Variants in CNBD1 observed in about 807,000 individuals in gnomAD.
The protein encoded by CNBD1 is cyclic nucleotide-binding domain-containing protein 1.
In CNBD1, 71 loss-of-function variants were observed where a neutral mutation model predicts 54.4. The observed-to-expected ratio is 1.30, with a 90% confidence interval of 1.08 to 1.59. The LOEUF is 1.59. CNBD1 is among the 40% of genes most tolerant of loss of function. CNBD1 has a pLI of 0.00. For synonymous variants in CNBD1, 182 were observed against 170.7 expected, an observed-to-expected ratio of 1.07 and a Z score of -0.51; for missense variants, 659 against 518.0, an observed-to-expected ratio of 1.27 and a Z score of -2.64.
Position 87,306,331 on chromosome 8 carries a change from CAG to C in CNBD1, c.1042+19661_1042+19662del, listed in dbSNP as rs1809145501. Among the ~76,000 whole-genome samples the C allele has an allele frequency of 2.6e-5, 4 of 152,136 alleles. No individual in the cohort carries two copies. The South Asian group carries it at 8.3e-4, about 31-fold the overall frequency. ...AAACTAGTATAGCTGCTATGGAAAA[CAG>C]TGTGGATATTCCTTTAAGAACTAAA... On this transcript the variant is annotated intron_variant, in intron 8 of 10. Transcript: ENST00000518476.
chr8:87,201,405 A>G (rs1813859294), intron 4 of CNBD1, among the ~76,000 whole-genome samples: 1 of 152,216 alleles, frequency 6.6e-6, no homozygotes, highest in Non-Finnish European at 1.5e-5. Context: ...AGAAAGAAGT[A>G]AAAGTCATCA....
At chr8:87,215,444 T>C (rs1586335008) in intron 5 of CNBD1, among the ~76,000 whole-genome samples, 1 of 151,936 alleles carries the variant, frequency 6.6e-6, no homozygotes, top group African/African-American at 2.4e-5. Context: ...AAAAATTAGC[T>C]GGGCATGGTG....
At chr8:87,180,194 C>A (rs183744513) in intron 4 of CNBD1, among the ~76,000 whole-genome samples, 5 of 152,118 alleles carry the variant, frequency 3.3e-5, no homozygotes, top group African/African-American at 1.2e-4. Context: ...ATATTTCCTG[C>A]AAATATTAGA....
At chr8:87,203,162 T>G (rs1813899276) in intron 4 of CNBD1, among the ~76,000 whole-genome samples, 1 of 152,200 alleles carries the variant, frequency 6.6e-6, no homozygotes, top group African/African-American at 2.4e-5. Context: ...AGTATACTGA[T>G]ATAATATATT....
At chr8:87,143,958 G>A (rs184002320) in intron 4 of CNBD1, among the ~76,000 whole-genome samples, 256 of 152,252 alleles carry the variant, frequency 1.7e-3, no homozygotes, top group South Asian at 3.7e-3. Flanking sequence ...TGCGTCCTGG[G>A]TAAATTATGA....
At chr8:86,961,555 C>A (rs1364881953) in intron 4 of CNBD1, among the ~76,000 whole-genome samples, 3 of 152,226 alleles carry the variant, frequency 2.0e-5, no homozygotes, top group Non-Finnish European at 4.4e-5. Flanking sequence ...GACCTCAGAA[C>A]CTCTGCCAAG....
chr8:87,384,727 G>A (rs4517138), downstream of CNBD1, among the ~76,000 whole-genome samples: 27,604 of 152,052 alleles, frequency 0.18, 2,772 homozygotes, highest in South Asian at 0.24. Flanking sequence ...AAGATCATGG[G>A]TCCAATAATA....
intron 4 of CNBD1, among the ~76,000 whole-genome samples, chr8:87,196,248 A>G (rs1481044603): frequency 6.6e-6 from 1 of 152,184 alleles, no homozygotes; most frequent in Non-Finnish European, 1.5e-5. Flanking sequence ...TTTAAATTGA[A>G]CAGAAATTGT....
At position 87,230,674 on chromosome 8, in the gene CNBD1, G is replaced by T. The variant is rs191641515; in HGVS notation, c.578-6245G>T. Among the ~76,000 whole-genome samples, 21 of 152,276 alleles carry T rather than the reference G, an allele frequency of 1.4e-4. No individual in the cohort carries two copies. In the East Asian group the frequency reaches 4.1e-3, roughly 29 times the overall value. On this transcript the variant is annotated intron_variant, in intron 5 of 10. Transcript: ENST00000518476. ...GGAATAATTAGTGTTAGAACACCTAGCACAGTGCATGACAAATATTTAATG... is the reference window on the plus strand; with the variant it reads ...GGAATAATTAGTGTTAGAACACCTATCACAGTGCATGACAAATATTTAATG...
At chr8:87,133,682 A>G (rs1239654455) in intron 4 of CNBD1, among the ~76,000 whole-genome samples, 1 of 148,570 alleles carries the variant, frequency 6.7e-6, no homozygotes, top group Non-Finnish European at 1.5e-5. Flanking sequence ...ATTGTTATAC[A>G]ACCTCTTTTA....
At chr8:87,116,322 C>T (rs762121285) in intron 4 of CNBD1, among the ~76,000 whole-genome samples, 2 of 150,230 alleles carry the variant, frequency 1.3e-5, no homozygotes, top group Admixed American at 6.7e-5. Context: ...TCAGCTCATG[C>T]TCTTGACTAG....
intron 2 of CNBD1, among the ~76,000 whole-genome samples, chr8:86,889,195 G>A (rs1022998080): frequency 6.6e-6 from 1 of 152,128 alleles, no homozygotes; most frequent in Non-Finnish European, 1.5e-5. Flanking sequence ...GCATCATTCT[G>A]TTAGAAATAC....
At chr8:87,351,300 T>C (rs554429196) in intron 8 of CNBD1, among the ~76,000 whole-genome samples, 130 of 152,210 alleles carry the variant, frequency 8.5e-4, no homozygotes, top group African/African-American at 3.0e-3. Flanking sequence ...TTTATCAATA[T>C]TGTGGGTTTG....
intron 4 of CNBD1, among the ~76,000 whole-genome samples, chr8:87,192,886 C>A (rs1305622929): frequency 6.6e-6 from 1 of 152,078 alleles, no homozygotes; most frequent in Non-Finnish European, 1.5e-5. Flanking sequence ...TATGTGTGTT[C>A]ATATGTGTAT....
At chr8:87,271,878 G>T (rs1808373822) in intron 6 of CNBD1, among the ~76,000 whole-genome samples, 1 of 151,496 alleles carries the variant, frequency 6.6e-6, no homozygotes, top group African/African-American at 2.4e-5. Flanking sequence ...ATGGATGAAT[G>T]AATAAAGAAA....
intron 4 of CNBD1, among the ~76,000 whole-genome samples, chr8:87,188,307 T>A (rs757675031): frequency 8.5e-5 from 13 of 152,240 alleles, no homozygotes; most frequent in Non-Finnish European, 1.3e-4. Flanking sequence ...TTGTGTTTAA[T>A]GTATGACTTC....
intron 8 of CNBD1, among the ~76,000 whole-genome samples, chr8:87,308,492 G>C (rs972344140): frequency 1.3e-5 from 2 of 151,872 alleles, no homozygotes; most frequent in Non-Finnish European, 2.9e-5. Context: ...ATATTTATGG[G>C]GTACATGTGA....
At chr8:86,966,935 G>T (rs1362689058) in intron 4 of CNBD1, among the ~76,000 whole-genome samples, 1 of 152,168 alleles carries the variant, frequency 6.6e-6, no homozygotes, top group Non-Finnish European at 1.5e-5. Flanking sequence ...ATCTTACAGA[G>T]AGCTGATCAG....
chr8:87,115,533 A>T (rs1811750237), intron 4 of CNBD1, among the ~76,000 whole-genome samples: 2 of 152,196 alleles, frequency 1.3e-5, no homozygotes, highest in African/African-American at 4.8e-5. Context: ...TGCAATGAGG[A>T]GTCCATACCT....
Sources: gnomAD v4.1 joint callset for allele counts (sites outside exome capture counted in the v4.1 genomes callset) on GRCh38, gnomAD v4.1.1 for gene constraint, MANE v1.5 for transcripts, NCBI Gene and HGNC (gene_info 2026-07-23, HGNC 2026-07-21) for gene names.